C3orf33: variants seen among roughly 807,000 people sequenced by gnomAD.
C3orf33 encodes AP-1 activity suppressor.
In C3orf33, 23 loss-of-function variants were observed where a neutral mutation model predicts 28.7. The ratio of observed to expected loss-of-function variants is 0.80; its 90% CI spans 0.58 to 1.13. The LOEUF is 1.13. Among genes scored for constraint, C3orf33 ranks in the 50% most tolerant of loss-of-function variants. The pLI is 0.00. For synonymous variants in C3orf33, 119 were observed against 120.5 expected, an observed-to-expected ratio of 0.99 and a Z score of 0.08; for missense variants, 327 against 353.4, an observed-to-expected ratio of 0.93 and a Z score of 0.60.
chr3:155,771,062 C>G (rs1559988991), intron 3 of C3orf33, among the ~76,000 whole-genome samples: 6 of 110,198 alleles, frequency 5.4e-5, no homozygotes, highest in Admixed American at 9.9e-5. Context: ...TGTGTTGAGA[C>G]ATAGTTTTGC....
chr3:155,776,263 G>C (rs1750742929), intron 2 of C3orf33, among the ~76,000 whole-genome samples: 1 of 152,032 alleles, frequency 6.6e-6, no homozygotes, highest in Admixed American at 6.6e-5. Context: ...GTCAAATTAA[G>C]TTAGAACCTT....
chr3:155,771,585 C>G (rs1026999130), intron 3 of C3orf33, among the ~76,000 whole-genome samples: 7 of 152,232 alleles, frequency 4.6e-5, no homozygotes, highest in Admixed American at 1.3e-4. Flanking sequence ...TGTGTGGAGA[C>G]AGGGTTTCAC....
chr3:155,783,929 G>GTT (rs550660072), intron 2 of C3orf33, among the ~76,000 whole-genome samples: 2 of 145,706 alleles, frequency 1.4e-5, no homozygotes, highest in African/African-American at 2.5e-5. Context: ...TTTGTTTGGG[G>GTT]TTTTTTTTTT....
At chr3:155,787,112 A>G (rs937741874) in intron 2 of C3orf33, among the ~76,000 whole-genome samples, 1 of 152,216 alleles carries the variant, frequency 6.6e-6, no homozygotes, top group Non-Finnish European at 1.5e-5. Context: ...AAAGCCAGAC[A>G]AAGACACTGC....
chr3:155,787,254 G>A (rs952764964), intron 2 of C3orf33, among the ~76,000 whole-genome samples: 3 of 151,848 alleles, frequency 2.0e-5, no homozygotes, highest in East Asian at 1.9e-4. Context: ...ACTGGAGTGC[G>A]GTGGCTTGAT....
In C3orf33 at chr3:155,793,630, C is replaced by T. The variant is rs780863074; in HGVS notation, c.174+8902G>A. On this transcript the variant is annotated intron_variant, in intron 2 of 4. Coordinates refer to ENST00000340171, the MANE Select transcript of C3orf33 (RefSeq NM_001308229.2). Reference sequence around the variant, plus strand: ...TCCAAGACCAGCCTGGCCAACATAGCGAAACCCCGTCTCTACTAAAAATAC... The same window carrying T: ...TCCAAGACCAGCCTGGCCAACATAGTGAAACCCCGTCTCTACTAAAAATAC... Among the ~76,000 whole-genome samples the T allele has an allele frequency of 2.4e-4, 36 of 151,150 alleles. 1 individual carries two copies. Among genetic ancestry groups the T allele is most frequent in the Admixed American group, 1.6e-3 (25 of 15,164 alleles).
At position 155,802,528 on chromosome 3, in the gene C3orf33, T is replaced by C. The variant is rs750823850; in HGVS notation, c.174+4A>G. 1 of 1,601,692 alleles carries C rather than the reference T, an allele frequency of 6.2e-7. No individual in the cohort carries two copies. The highest frequency in any genetic ancestry group is 1.1e-5 in the South Asian group (1 of 88,700). On this transcript the variant is annotated splice_donor_region_variant and intron_variant, in intron 2 of 4. Coordinates refer to ENST00000340171, the MANE Select transcript of C3orf33 (RefSeq NM_001308229.2). Reference sequence around the variant, plus strand: ...TGTAATGTCTTTTTCATTTTTTAACTTACCAGTCGAATGCTTCTCAAAAGT... The same window carrying C: ...TGTAATGTCTTTTTCATTTTTTAACCTACCAGTCGAATGCTTCTCAAAAGT...
intron 2 of C3orf33, among the ~76,000 whole-genome samples, chr3:155,788,260 T>TAA (rs35686095): frequency 6.6e-6 from 1 of 150,908 alleles, no homozygotes; most frequent in African/African-American, 2.4e-5. Context: ...TAGAATAAAT[T>TAA]AAAAAAACAC....
At chr3:155,769,127 A>G (rs1001775150) in intron 3 of C3orf33, among the ~76,000 whole-genome samples, 1 of 152,184 alleles carries the variant, frequency 6.6e-6, no homozygotes, top group African/African-American at 2.4e-5. Context: ...AGCCTGACCA[A>G]CATGGTGAAA....
intron 4 of C3orf33, among the ~76,000 whole-genome samples, chr3:155,764,178 G>A (rs1396724990): frequency 6.6e-6 from 1 of 152,160 alleles, no homozygotes; most frequent in Non-Finnish European, 1.5e-5. Context: ...AATCCGAAGA[G>A]GTGAGGAAGC....
chr3:155,791,357 T>C (rs1291962481), intron 2 of C3orf33, among the ~76,000 whole-genome samples: 2 of 152,072 alleles, frequency 1.3e-5, no homozygotes, highest in South Asian at 2.1e-4. Flanking sequence ...TTGGGTAAGA[T>C]TGAGAGATGT....
rs536832002 is a variant in C3orf33 at position 155,789,704 on chromosome 3, C to A, written c.174+12828G>T. Among the ~76,000 whole-genome samples, 5 of 152,082 alleles carry A rather than the reference C, an allele frequency of 3.3e-5. No homozygotes were observed. In the East Asian group the frequency reaches 9.7e-4, roughly 29 times the overall value. On this transcript the variant is annotated intron_variant, in intron 2 of 4. Coordinates refer to ENST00000340171, the MANE Select transcript of C3orf33 (RefSeq NM_001308229.2). ...GAACAAAATTAGAAGACTCACACTT[C>A]CTGATTTCAAAACATATTTAGAAGC...
intron 3 of C3orf33, among the ~76,000 whole-genome samples, chr3:155,773,711 C>T (rs112774986): frequency 0.018 from 2,764 of 152,280 alleles, 69 homozygotes; most frequent in African/African-American, 0.063. Context: ...TGGAATATCA[C>T]CCCTGTAGAC....
chr3:155,781,060 C>T (rs952449664), intron 2 of C3orf33, among the ~76,000 whole-genome samples: 11 of 151,446 alleles, frequency 7.3e-5, no homozygotes, highest in Admixed American at 3.3e-4. Context: ...TGCAGTGGCG[C>T]AATCTCGGCT....
At chr3:155,789,335 ACT>A (rs1267051116) in intron 2 of C3orf33, among the ~76,000 whole-genome samples, 2 of 123,132 alleles carry the variant, frequency 1.6e-5, no homozygotes, top group African/African-American at 3.0e-5. Context: ...ACAGAGTGAG[ACT>A]CTGTCTCAAA....
At chr3:155,797,051 C>T (rs1465156489) in intron 2 of C3orf33, among the ~76,000 whole-genome samples, 3 of 152,072 alleles carry the variant, frequency 2.0e-5, no homozygotes, top group Admixed American at 1.3e-4. Flanking sequence ...ATTAGCCAGG[C>T]GTGGTGGTGG....
chr3:155,793,866 A>G (rs1230497469), intron 2 of C3orf33, among the ~76,000 whole-genome samples: 4 of 150,766 alleles, frequency 2.7e-5, no homozygotes, highest in African/African-American at 9.7e-5. Context: ...TTTTCTAGAC[A>G]TAGACAGTAT....
intron 2 of C3orf33, among the ~76,000 whole-genome samples, chr3:155,786,902 A>G (rs138979201): frequency 6.6e-6 from 1 of 152,202 alleles, no homozygotes; most frequent in African/African-American, 2.4e-5. Context: ...TCCAAGTAGA[A>G]CTAAAACTGT....
rs1245989256 is a variant in C3orf33 at position 155,780,668 on chromosome 3, C to T, written c.175-4820G>A. ...ACTAACACAATATCCATTGCTAAATCCCTTCTTCTTTGCCACCATGCATTT... is the reference window on the plus strand; with the variant it reads ...ACTAACACAATATCCATTGCTAAATTCCTTCTTCTTTGCCACCATGCATTT... On this transcript the variant is annotated intron_variant, in intron 2 of 4. Coordinates refer to ENST00000340171, the MANE Select transcript of C3orf33 (RefSeq NM_001308229.2). Among the ~76,000 whole-genome samples, 12 of 152,284 alleles carry T rather than the reference C, an allele frequency of 7.9e-5. No homozygotes were observed. The South Asian group carries it at 2.5e-3, about 32-fold the overall frequency.
Sources: allele counts gnomAD v4.1 joint callset (sites outside exome capture counted in the v4.1 genomes callset), GRCh38; gene constraint gnomAD v4.1.1; transcripts MANE v1.5; gene names NCBI Gene and HGNC (gene_info 2026-07-23, HGNC 2026-07-21).